Variants in PPEF1 observed in about 807,000 individuals in gnomAD.
The protein encoded by PPEF1 is protein phosphatase with EF-hand domain 1, also known as serine/threonine-protein phosphatase with EF-hands 1.
Under a neutral mutation model 53.3 loss-of-function variants are expected in PPEF1, and 12 were observed. The ratio of observed to expected loss-of-function variants is 0.23; its 90% confidence interval spans 0.14 to 0.36. The LOEUF (loss-of-function observed/expected upper bound fraction) is 0.36. Among genes scored for constraint, PPEF1 ranks in the 10% least tolerant of loss-of-function variants. PPEF1 has a pLI of 1.00. For missense variants in PPEF1, 334 were observed against 490.4 expected (o/e 0.68, Z 3.01); for synonymous variants, 165 against 176.7 (o/e 0.93, Z 0.52).
intron 10 of PPEF1, among the ~76,000 whole-genome samples, chrX:18,798,388 A>T (rs1273861514): frequency 8.9e-6 from 1 of 111,755 alleles, no homozygotes; most frequent in Non-Finnish European, 1.9e-5. Flanking sequence ...CCCAAGAGGG[A>T]AATGACTTGA....
intron 6 of PPEF1, among the ~76,000 whole-genome samples, chrX:18,762,747 C>T (rs920460485): frequency 1.8e-5 from 2 of 111,679 alleles, no homozygotes; most frequent in East Asian, 2.8e-4. Flanking sequence ...GTGAGAATGA[C>T]CAGAGGTCAC....
chrX:18,759,066 C>T (rs1292429041), intron 5 of PPEF1, among the ~76,000 whole-genome samples: 1 of 111,058 alleles, frequency 9.0e-6, no homozygotes, highest in Non-Finnish European at 1.9e-5. Flanking sequence ...CATCCTGACT[C>T]GCATTAGGTA....
intron 10 of PPEF1, among the ~76,000 whole-genome samples, chrX:18,797,104 C>T (rs908400019): frequency 5.4e-5 from 6 of 111,522 alleles, no homozygotes; most frequent in African/African-American, 2.0e-4. Flanking sequence ...GGGCCAGAAC[C>T]TCATTTCTGA....
Position 18,824,021 on chromosome X carries a change from CAAAATGG to C in PPEF1, c.1604_1610del (p.Asn535ThrfsTer24). ...CAGTTCGAATCTGGTAAACATAGAC[CAAAATGG>C]AAACGTTGAATACATGTCCAGCTTC... On this transcript the variant is annotated frameshift_variant, in exon 14 of 16. Transcript: ENST00000470157. LOFTEE classifies it high-confidence loss of function. The C allele has an allele frequency of 8.3e-7, 1 of 1,206,208 alleles. No individual in the cohort carries two copies. Among genetic ancestry groups the C allele is most frequent in the Non-Finnish European group, 1.1e-6 (1 of 891,295 alleles).
chrX:18,818,128 A>G lies in PPEF1; in HGVS notation c.1484A>G (p.Gln495Arg). The change falls in exon 13 of 16, where the codon CAA (glutamine) becomes CGA (arginine). Residue 495 changes from glutamine (Q) to arginine (R), a missense_variant. Transcript: ENST00000470157. ...KSDLTRAFQL[Q>R]DHRKSGKLSV... Reference sequence around the variant, plus strand: ...GACCTTACTCGTGCTTTCCAACTTCAAGACCACAGAAAATCAGGTAACAAA... The same window carrying G: ...GACCTTACTCGTGCTTTCCAACTTCGAGACCACAGAAAATCAGGTAACAAA... The G allele has an allele frequency of 8.4e-7, 1 of 1,190,404 alleles. No homozygotes were observed. The highest frequency in any genetic ancestry group is 1.1e-6 in the Non-Finnish European group (1 of 878,293).
intron 13 of PPEF1, among the ~76,000 whole-genome samples, chrX:18,821,694 G>GAGCCA (rs2047050241): frequency 9.1e-6 from 1 of 109,776 alleles, no homozygotes; most frequent in African/African-American, 3.3e-5. Context: ...TTACAGGCAT[G>GAGCCA]AGCCACTGTG....
In PPEF1 at chrX:18,809,336, A is replaced by G. The variant is rs146689727; in HGVS notation, c.1394+2791A>G. Reference sequence around the variant, plus strand: ...TATAAACACTATGTCAATAGTTGTTATACTGTATTGTTTAGGGAATAATGA... The same window carrying G: ...TATAAACACTATGTCAATAGTTGTTGTACTGTATTGTTTAGGGAATAATGA... On this transcript the variant is annotated intron_variant, in intron 12 of 15. Transcript: ENST00000470157. Among the ~76,000 whole-genome samples, 974 of 110,636 alleles carry G rather than the reference A, an allele frequency of 8.8e-3. 11 individuals are homozygous for G. The highest frequency in any genetic ancestry group is 0.031 in the African/African-American group (936 of 30,467).
At chrX:18,709,310 A>C (rs763801748) in intron 1 of PPEF1, among the ~76,000 whole-genome samples, 1 of 111,749 alleles carries the variant, frequency 8.9e-6, no homozygotes, top group Admixed American at 9.6e-5. Flanking sequence ...GGATTTATCT[A>C]TTCTGGACAT....
At chrX:18,701,668 G>C (rs1602355920) in intron 6 of PPEF1, among the ~76,000 whole-genome samples, 1 of 112,200 alleles carries the variant, frequency 8.9e-6, no homozygotes, top group African/African-American at 3.2e-5. Context: ...TTGGGAAATA[G>C]TGGTCAGCTC....
chrX:18,802,579 A>G (rs1209597838), intron 10 of PPEF1, among the ~76,000 whole-genome samples: 1 of 111,924 alleles, frequency 8.9e-6, no homozygotes, highest in African/African-American at 3.2e-5. Flanking sequence ...ATGCTTTAGG[A>G]GACACCCTCA....
chrX:18,776,819 C>CTGAA (rs1169103457), intron 6 of PPEF1, among the ~76,000 whole-genome samples: 1 of 111,541 alleles, frequency 9.0e-6, no homozygotes, highest in African/African-American at 3.3e-5. Context: ...ACTCGGGAGG[C>CTGAA]TGAAGCAGGA....
At chrX:18,768,916 G>A (rs1397483118) in intron 6 of PPEF1, among the ~76,000 whole-genome samples, 4 of 112,157 alleles carry the variant, frequency 3.6e-5, no homozygotes, top group Non-Finnish European at 1.9e-5. Context: ...CATTTCTGAC[G>A]ATCTCTTCAA....
At chrX:18,705,617 A>G, upstream of PPEF1, among the ~76,000 whole-genome samples, 1 of 111,505 alleles carries the variant, frequency 9.0e-6, no homozygotes, top group South Asian at 3.8e-4. Context: ...CAGGAGGCTG[A>G]GGTAGGAGAA....
chrX:18,729,111 C>T (rs1309649401), intron 1 of PPEF1, among the ~76,000 whole-genome samples: 1 of 107,337 alleles, frequency 9.3e-6, no homozygotes, highest in Non-Finnish European at 1.9e-5. Flanking sequence ...TTGCCATTTA[C>T]TTAGCATGTG....
At chrX:18,745,207 A>ATT (rs1228788953) in intron 3 of PPEF1, among the ~76,000 whole-genome samples, 2 of 94,680 alleles carry the variant, frequency 2.1e-5, no homozygotes, top group African/African-American at 7.8e-5. Flanking sequence ...TAGAATATAT[A>ATT]TTATATATAT....
At position 18,741,482 on chromosome X, in the gene PPEF1, A is replaced by T. The variant is rs1455049575; in HGVS notation, c.235+7674A>T. Among the ~76,000 whole-genome samples, 4 of 112,035 alleles carry T rather than the reference A, an allele frequency of 3.6e-5. No individual in the cohort carries two copies. In the East Asian group the frequency reaches 1.1e-3, roughly 31 times the overall value. On this transcript the variant is annotated intron_variant, in intron 3 of 15. Coordinates refer to ENST00000470157, the MANE Select transcript of PPEF1 (RefSeq NM_001377996.1). ...TATTAAAGAAGGGGACAGTGGTTTA[A>T]TCTTCTTATAGAAGCTTTTTTGGAA...
chrX:18,808,905 G>T (rs1382164557), intron 12 of PPEF1, among the ~76,000 whole-genome samples: 1 of 111,039 alleles, frequency 9.0e-6, no homozygotes, highest in Non-Finnish European at 1.9e-5. Context: ...CCACTACTGG[G>T]TATATATCCA....
At chrX:18,804,637 AAGTAGAC>A (rs766063674) in intron 11 of PPEF1, among the ~76,000 whole-genome samples, 28 of 112,246 alleles carry the variant, frequency 2.5e-4, no homozygotes, top group African/African-American at 6.5e-4. Context: ...ACATGGCACT[AAGTAGAC>A]ACACAGAAAG....
chrX:18,815,976 C>G lies in PPEF1; in HGVS notation c.1395-2063C>G, dbSNP rs2046903794. Among the ~76,000 whole-genome samples, 4 of 108,837 alleles carry G rather than the reference C, an allele frequency of 3.7e-5. No individual in the cohort carries two copies. The South Asian group carries it at 1.6e-3, about 44-fold the overall frequency. 94.5% of individuals were successfully genotyped at this position (108,837 alleles called of 115,157 possible). A position where few individuals can be genotyped will look rare whatever the true frequency, so the allele number is the denominator to read the frequency against. ...AGTGCAATGGCGTGATCTCGGTTCA[C>G]TGCAACCTCTGCCTCCCAGGTTCAA... is the stretch of plus-strand genomic sequence containing the variant. On this transcript the variant is annotated intron_variant, in intron 12 of 15. Coordinates refer to ENST00000470157, the MANE Select transcript of PPEF1 (RefSeq NM_001377996.1).
Sources: allele counts gnomAD v4.1 joint callset (sites outside exome capture counted in the v4.1 genomes callset), GRCh38; gene constraint gnomAD v4.1.1; transcripts MANE v1.5; gene names NCBI Gene and HGNC (gene_info 2026-07-23, HGNC 2026-07-21).